Variants in MARCHF1 observed in about 807,000 individuals in gnomAD.
MARCHF1 encodes the protein membrane associated ring-CH-type finger 1, also known as E3 ubiquitin-protein ligase MARCHF1.
A neutral mutation model predicts 54.2 loss-of-function variants in MARCHF1; 40 were observed. The observed-to-expected ratio is 0.74, with a 90% CI of 0.57 to 0.96. The LOEUF (loss-of-function observed/expected upper bound fraction) is 0.96. Ranked by LOEUF, MARCHF1 falls within the 40% of genes least tolerant of loss-of-function variation. The probability of loss-of-function intolerance (pLI) is 0.00; values close to 1 mark genes in which losing one functional copy is unlikely to be tolerated. For synonymous variants in MARCHF1, 236 were observed against 236.3 expected, an observed-to-expected ratio of 1.00 and a Z score of 0.01; for missense variants, 586 against 656.5, an observed-to-expected ratio of 0.89 and a Z score of 1.17.
chr4:163,911,456 A>C (rs1751186932), intron 3 of MARCHF1, among the ~76,000 whole-genome samples: 1 of 152,192 alleles, frequency 6.6e-6, no homozygotes, highest in African/African-American at 2.4e-5. Context: ...AAGTTCTACA[A>C]GGCCTGAGGT....
chr4:163,872,773 G>A (rs1579355923), intron 3 of MARCHF1, among the ~76,000 whole-genome samples: 1 of 152,154 alleles, frequency 6.6e-6, no homozygotes, highest in East Asian at 1.9e-4. Flanking sequence ...GGCCGGGCGC[G>A]GTGGCTCACG....
intron 4 of MARCHF1, among the ~76,000 whole-genome samples, chr4:163,834,516 T>C (rs919567649): frequency 2.0e-5 from 3 of 151,940 alleles, no homozygotes; most frequent in Non-Finnish European, 4.4e-5. Context: ...GTTAGTTACA[T>C]ATGTATACAT....
chr4:164,236,331 A>ATC, intron 1 of MARCHF1, among the ~76,000 whole-genome samples: 1 of 152,082 alleles, frequency 6.6e-6, no homozygotes, highest in Non-Finnish European at 1.5e-5. Flanking sequence ...ACCTTATTTA[A>ATC]AATATGCTGC....
At chr4:163,703,427 C>T (rs895166966) in intron 4 of MARCHF1, among the ~76,000 whole-genome samples, 1 of 152,102 alleles carries the variant, frequency 6.6e-6, no homozygotes, top group Non-Finnish European at 1.5e-5. Flanking sequence ...GTCCAATTTG[C>T]TACTAATTAA....
intron 4 of MARCHF1, among the ~76,000 whole-genome samples, chr4:163,722,926 G>A (rs182286468): frequency 6.7e-4 from 102 of 152,268 alleles, no homozygotes; most frequent in African/African-American, 2.4e-3. Context: ...GTCTCTGCAA[G>A]TGAGATGGGT....
Position 163,774,629 on chromosome 4 carries a change from G to A in MARCHF1, c.112-73766C>T, listed in dbSNP as rs547545841. ...TCTGCCTCAGCCTCCCAAGTAACTGGAATTATAGGCATGTGCCAACAAGCC... is the reference window on the plus strand; with the variant it reads ...TCTGCCTCAGCCTCCCAAGTAACTGAAATTATAGGCATGTGCCAACAAGCC... On this transcript the variant is annotated intron_variant, in intron 4 of 9. Coordinates refer to ENST00000514618, the MANE Select transcript of MARCHF1 (RefSeq NM_001394959.1). 4.6e-5 allele frequency among the ~76,000 whole-genome samples: 7 copies of A among 151,632 alleles called. No homozygotes were observed. In the South Asian group the frequency reaches 1.5e-3, roughly 32 times the overall value.
At chr4:164,295,404 G>C (rs970998057) in intron 1 of MARCHF1, among the ~76,000 whole-genome samples, 8 of 151,020 alleles carry the variant, frequency 5.3e-5, no homozygotes, top group Non-Finnish European at 1.0e-4. Flanking sequence ...ATACATTTTG[G>C]GGTGATGTGT....
chr4:163,841,426 T>A (rs1230771726), intron 4 of MARCHF1, among the ~76,000 whole-genome samples: 1 of 143,200 alleles, frequency 7.0e-6, no homozygotes, highest in African/African-American at 2.6e-5. Context: ...GAACATAAAA[T>A]TGCTATATAA....
chr4:164,092,031 T>G (rs1010798679), intron 2 of MARCHF1, among the ~76,000 whole-genome samples: 1 of 152,098 alleles, frequency 6.6e-6, no homozygotes, highest in African/African-American at 2.4e-5. Context: ...GTCATCATGT[T>G]GGTGAGGGAT....
intron 2 of MARCHF1, among the ~76,000 whole-genome samples, chr4:164,028,829 AGAAT>A (rs1052833177): frequency 2.0e-5 from 3 of 152,254 alleles, no homozygotes; most frequent in African/African-American, 7.2e-5. Context: ...CATACACTGC[AGAAT>A]GAATGGAGTG....
At chr4:164,015,814 C>G (rs973540227) in intron 2 of MARCHF1, among the ~76,000 whole-genome samples, 1 of 151,154 alleles carries the variant, frequency 6.6e-6, no homozygotes. Context: ...ATAACAAATG[C>G]GGAGAAAGAG....
intron 2 of MARCHF1, among the ~76,000 whole-genome samples, chr4:163,999,792 T>G (rs1560855409): frequency 6.6e-6 from 1 of 151,586 alleles, no homozygotes; most frequent in South Asian, 2.1e-4. Flanking sequence ...ATAATTTAAT[T>G]TGTTCCCCAA....
At chr4:163,550,593 G>A (rs1245767554) in intron 8 of MARCHF1, among the ~76,000 whole-genome samples, 3 of 151,086 alleles carry the variant, frequency 2.0e-5, no homozygotes, top group African/African-American at 4.9e-5. Flanking sequence ...TTGCATAAAT[G>A]CAAAGCCACA....
chr4:163,627,131 A>T (rs1404518211), intron 5 of MARCHF1, among the ~76,000 whole-genome samples: 1 of 152,180 alleles, frequency 6.6e-6, no homozygotes, highest in African/African-American at 2.4e-5. Flanking sequence ...TCCCATTTAT[A>T]ATTATACTAT....
intron 1 of MARCHF1, among the ~76,000 whole-genome samples, chr4:164,171,360 C>A (rs13435701): frequency 0.19 from 28,747 of 151,810 alleles, 4,373 homozygotes; most frequent in African/African-American, 0.41. Flanking sequence ...TATAATTAAG[C>A]AACATTAACA....
rs191801766 is a variant in MARCHF1, at chr4:164,302,306, T to C, written c.-323+81564A>G. ...ACCTGATTCATAAAACACTTCTACA[T>C]AAATACACTGTTCCATTGTTCCAAC... On this transcript the variant is annotated intron_variant, in intron 1 of 9. Transcript: ENST00000514618. Among the ~76,000 whole-genome samples the C allele has an allele frequency of 6.6e-5, 10 of 152,234 alleles. No individual in the cohort carries two copies. In the East Asian group the frequency reaches 1.3e-3, roughly 21 times the overall value.
At chr4:164,016,630 T>C in intron 2 of MARCHF1, among the ~76,000 whole-genome samples, 1 of 151,678 alleles carries the variant, frequency 6.6e-6, no homozygotes. Flanking sequence ...AGATAAGGAG[T>C]ACAATGATGG....
intron 3 of MARCHF1, among the ~76,000 whole-genome samples, chr4:163,909,242 C>T (rs1028941915): frequency 6.6e-6 from 1 of 152,034 alleles, no homozygotes; most frequent in Non-Finnish European, 1.5e-5. Context: ...TGGAAAACCA[C>T]CAGCAATAAT....
intron 1 of MARCHF1, among the ~76,000 whole-genome samples, chr4:164,275,671 T>C (rs1733861426): frequency 6.8e-6 from 1 of 147,730 alleles, no homozygotes; most frequent in Non-Finnish European, 1.5e-5. Flanking sequence ...GCATTGTTAA[T>C]GTATAAGAGA....
Sources: gnomAD v4.1 joint callset for allele counts (sites outside exome capture counted in the v4.1 genomes callset) on GRCh38, gnomAD v4.1.1 for gene constraint, MANE v1.5 for transcripts, NCBI Gene and HGNC (gene_info 2026-07-23, HGNC 2026-07-21) for gene names.